Variants in FAF1 observed in about 807,000 individuals in gnomAD.
The protein encoded by FAF1 is FAS-associated factor 1.
A neutral mutation model predicts 92.5 loss-of-function variants in FAF1; 25 were observed. That is an observed-to-expected ratio of 0.27 (90% CI 0.20 to 0.38). The LOEUF (loss-of-function observed/expected upper bound fraction) is 0.38. Among genes scored for constraint, FAF1 ranks in the 10% least tolerant of loss-of-function variants. The pLI is 1.00. For synonymous variants in FAF1, 234 were observed against 273.2 expected (o/e 0.86, Z 1.42); for missense variants, 636 against 793.3 (o/e 0.80, Z 2.38).
chr1:50,748,573 C>A (rs1659724752), intron 4 of FAF1, among the ~76,000 whole-genome samples: 1 of 151,558 alleles, frequency 6.6e-6, no homozygotes, highest in Non-Finnish European at 1.5e-5. Flanking sequence ...TAATGAGAAA[C>A]AGTGAGAAAT....
chr1:50,938,977 T>C (rs570340165), intron 1 of FAF1, among the ~76,000 whole-genome samples: 2 of 152,366 alleles, frequency 1.3e-5, no homozygotes, highest in African/African-American at 4.8e-5. Context: ...AGCCTTATAG[T>C]ATACTTTGAA....
chr1:50,922,554 A>G (rs1312424122), intron 1 of FAF1, among the ~76,000 whole-genome samples: 1 of 151,348 alleles, frequency 6.6e-6, no homozygotes, highest in African/African-American at 2.4e-5. Flanking sequence ...GCAGTGGCTC[A>G]TGCCTGTAAT....
Position 50,660,280 on chromosome 1 carries a change from C to T in FAF1, c.658-4752G>A, listed in dbSNP as rs146311731. Among the ~76,000 whole-genome samples, 342 of 152,182 alleles carry T rather than the reference C, an allele frequency of 2.2e-3. 2 individuals are homozygous for T. Among genetic ancestry groups the T allele is most frequent in the Non-Finnish European group, 3.9e-3 (266 of 67,998 alleles). On this transcript the variant is annotated intron_variant, in intron 7 of 18. Coordinates refer to ENST00000396153, the MANE Select transcript of FAF1 (RefSeq NM_007051.3). ...TCAGATTAGCCTCAAATGAGTTGTTCTAAACTATTTTTATATTGAAAAATA... is the reference window on the plus strand; with the variant it reads ...TCAGATTAGCCTCAAATGAGTTGTTTTAAACTATTTTTATATTGAAAAATA...
At chr1:50,857,748 ATAACT>A (rs1372004509) in intron 2 of FAF1, among the ~76,000 whole-genome samples, 176 bp downstream of exon 2, 4 of 151,882 alleles carry the variant, frequency 2.6e-5, no homozygotes, top group Non-Finnish European at 4.4e-5. Flanking sequence ...AGTATTCATA[ATAACT>A]TAATACTGAG....
intron 8 of FAF1, among the ~76,000 whole-genome samples, chr1:50,624,897 CTTTTT>C (rs34177866): frequency 4.0e-5 from 5 of 124,766 alleles, no homozygotes; most frequent in African/African-American, 1.2e-4. Context: ...ATCCCACACT[CTTTTT>C]TTTTTTTTTT....
intron 8 of FAF1, among the ~76,000 whole-genome samples, chr1:50,601,135 A>C (rs1273755448): frequency 1.3e-5 from 2 of 152,210 alleles, no homozygotes. Flanking sequence ...AAAATCTTAG[A>C]ATCTTTTCGA....
chr1:50,776,043 T>G (rs538146652), intron 4 of FAF1, among the ~76,000 whole-genome samples: 2 of 152,294 alleles, frequency 1.3e-5, no homozygotes, highest in African/African-American at 4.8e-5. Context: ...TAACAATATC[T>G]GATTTAAAAT....
intron 14 of FAF1, among the ~76,000 whole-genome samples, chr1:50,538,317 T>C (rs1648588576): frequency 6.6e-6 from 1 of 152,040 alleles, no homozygotes; most frequent in Non-Finnish European, 1.5e-5. Flanking sequence ...TACCTCCCAT[T>C]GTGCCACATA....
chr1:50,512,959 A>G (rs1423915380), intron 15 of FAF1, among the ~76,000 whole-genome samples: 1 of 152,110 alleles, frequency 6.6e-6, no homozygotes. Context: ...CCTTTAGGTA[A>G]TCACACTCTA....
At chr1:50,533,275 T>C (rs764584788) in intron 15 of FAF1, among the ~76,000 whole-genome samples, 6 of 152,162 alleles carry the variant, frequency 3.9e-5, no homozygotes, top group Non-Finnish European at 8.8e-5. Flanking sequence ...TTTCACCATG[T>C]TGCCCAGGCT....
intron 17 of FAF1, among the ~76,000 whole-genome samples, chr1:50,486,947 A>T (rs1646776303): frequency 6.6e-6 from 1 of 152,228 alleles, no homozygotes; most frequent in African/African-American, 2.4e-5. Context: ...TATAAAGTCC[A>T]TCCCTTAATC....
At chr1:50,811,150 C>G (rs186911139) in intron 2 of FAF1, among the ~76,000 whole-genome samples, 18 of 152,178 alleles carry the variant, frequency 1.2e-4, no homozygotes, top group Non-Finnish European at 2.4e-4. Flanking sequence ...GTGTGAGCAA[C>G]ATGGCATAAC....
chr1:50,927,007 A>T (rs1270140534), intron 1 of FAF1, among the ~76,000 whole-genome samples: 1 of 152,260 alleles, frequency 6.6e-6, no homozygotes. Flanking sequence ...AACAAGCCAG[A>T]CATAAAAGAA....
chr1:50,953,055 T>C (rs1197399497), intron 1 of FAF1, among the ~76,000 whole-genome samples: 1 of 152,160 alleles, frequency 6.6e-6, no homozygotes, highest in Non-Finnish European at 1.5e-5. Context: ...CTAAGAAAAA[T>C]TCTTCTGCCT....
intron 6 of FAF1, among the ~76,000 whole-genome samples, 189 bp downstream of exon 6, chr1:50,738,674 G>T (rs1569861670): frequency 6.6e-6 from 1 of 152,206 alleles, no homozygotes; most frequent in South Asian, 2.1e-4. Context: ...AGTGGTATAA[G>T]AGGACTATAC....
intron 2 of FAF1, among the ~76,000 whole-genome samples, chr1:50,802,516 A>G (rs1419664172): frequency 6.6e-6 from 1 of 152,210 alleles, no homozygotes. Flanking sequence ...AGGTTTCCTT[A>G]TATAAAACAT....
intron 1 of FAF1, among the ~76,000 whole-genome samples, chr1:50,912,233 A>C (rs1339267557): frequency 6.6e-6 from 1 of 152,186 alleles, no homozygotes; most frequent in Non-Finnish European, 1.5e-5. Flanking sequence ...GGTGTATTAA[A>C]GTGTTTACGG....
At chr1:50,942,523 A>G (rs552529174) in intron 1 of FAF1, among the ~76,000 whole-genome samples, 1 of 152,246 alleles carries the variant, frequency 6.6e-6, no homozygotes, top group East Asian at 1.9e-4. Flanking sequence ...AGTTGTAGTT[A>G]TTATAATTAC....
intron 4 of FAF1, among the ~76,000 whole-genome samples, chr1:50,779,987 GACAGACAC>G (rs981958137): frequency 1.8e-5 from 2 of 112,798 alleles, no homozygotes; most frequent in African/African-American, 7.1e-5. Flanking sequence ...TGCACAGACA[GACAGACAC>G]ACACACACAC....
Sources: gnomAD v4.1 joint callset for allele counts (sites outside exome capture counted in the v4.1 genomes callset) on GRCh38, gnomAD v4.1.1 for gene constraint, MANE v1.5 for transcripts, NCBI Gene and HGNC (gene_info 2026-07-23, HGNC 2026-07-21) for gene names.